Variants in USP45 observed in about 807,000 individuals in gnomAD.
USP45 encodes ubiquitin specific peptidase 45.
A neutral mutation model predicts 95.8 loss-of-function variants in USP45; 89 were observed. The observed-to-expected ratio is 0.93, with a 90% confidence interval of 0.78 to 1.11. The LOEUF is 1.11. USP45 is among the 50% of genes least tolerant of loss of function. The probability of loss-of-function intolerance (pLI) is 0.00; values close to 1 mark genes in which losing one functional copy is unlikely to be tolerated. For missense variants in USP45, 898 were observed against 942.5 expected (o/e 0.95, Z 0.62); for synonymous variants, 281 against 316.2 (o/e 0.89, Z 1.18).
intron 10 of USP45, 73 bp downstream of exon 10, chr6:99,468,459 TGTTCA>T: frequency 1.0e-6 from 1 of 967,038 alleles, no homozygotes; most frequent in South Asian, 1.5e-5. Flanking sequence ...GTTCACATAA[TGTTCA>T]GTTCTTTTTC....
At chr6:99,478,498 A>G (rs1194153191) in intron 8 of USP45, among the ~76,000 whole-genome samples, 1 of 152,132 alleles carries the variant, frequency 6.6e-6, no homozygotes, top group Non-Finnish European at 1.5e-5. Flanking sequence ...CATGAGAGAA[A>G]AATATATGTA....
chr6:99,476,577 T>G (rs751258956), intron 8 of USP45, among the ~76,000 whole-genome samples: 4 of 152,248 alleles, frequency 2.6e-5, no homozygotes, highest in Non-Finnish European at 5.9e-5. Context: ...GGCTATCATT[T>G]ATTAAGCAAC....
At chr6:99,490,431 C>T (rs184040977) in intron 5 of USP45, among the ~76,000 whole-genome samples, 139 of 152,048 alleles carry the variant, frequency 9.1e-4, no homozygotes, top group African/African-American at 3.2e-3. Flanking sequence ...CCACCCACCT[C>T]GGGCTCCCAA....
intron 13 of USP45, among the ~76,000 whole-genome samples, chr6:99,448,193 ATGACTT>A (rs1782974033): frequency 6.6e-6 from 1 of 152,250 alleles, no homozygotes; most frequent in Admixed American, 6.5e-5. Context: ...TGGACGGAGA[ATGACTT>A]TGACGAGTTG....
At chr6:99,487,755 ACTGCACTCCAGC>A (rs1185927922) in intron 7 of USP45, among the ~76,000 whole-genome samples, 1 of 151,892 alleles carries the variant, frequency 6.6e-6, no homozygotes, top group Non-Finnish European at 1.5e-5. Context: ...AGATCGCGCC[ACTGCACTCCAGC>A]CTGCACTCCA....
chr6:99,488,896 T>C (rs757324074), intron 5 of USP45, 76 bp from the exon 6 acceptor site: 3 of 1,123,274 alleles, frequency 2.7e-6, no homozygotes, highest in East Asian at 6.0e-5. Flanking sequence ...ATATACATTA[T>C]TTAAAATTAA....
intron 9 of USP45, among the ~76,000 whole-genome samples, chr6:99,470,277 G>A (rs952162419): frequency 6.6e-6 from 1 of 152,152 alleles, no homozygotes; most frequent in South Asian, 2.1e-4. Context: ...TCCATGCCCT[G>A]CTGCCTGGAT....
chr6:99,452,278 C>G (rs1031103742), intron 13 of USP45, among the ~76,000 whole-genome samples: 5 of 152,132 alleles, frequency 3.3e-5, no homozygotes, highest in Admixed American at 3.3e-4. Flanking sequence ...GCAACCTACT[C>G]ATGTGACAAA....
intron 13 of USP45, among the ~76,000 whole-genome samples, chr6:99,464,210 G>T (rs1260048528): frequency 6.6e-6 from 1 of 152,178 alleles, no homozygotes; most frequent in Non-Finnish European, 1.5e-5. Context: ...GGAGGCTGAG[G>T]CAGGAGAATC....
rs532107244 is a variant in USP45, at chr6:99,499,372, C to T, written c.478+4393G>A. ...TTACCATTTAGTGCAAAATCATATC[C>T]GGCATTCTTACAAACCTCAATAAAA... On this transcript the variant is annotated intron_variant, in intron 5 of 17. Coordinates refer to ENST00000500704, the MANE Select transcript of USP45 (RefSeq NM_001346022.3). Among the ~76,000 whole-genome samples the T allele has an allele frequency of 1.1e-4, 17 of 152,170 alleles. No homozygotes were observed. In the East Asian group the frequency reaches 2.9e-3, roughly 26 times the overall value.
At chr6:99,463,685 G>T (rs527488474) in intron 13 of USP45, among the ~76,000 whole-genome samples, 1 of 150,902 alleles carries the variant, frequency 6.6e-6, no homozygotes, top group Non-Finnish European at 1.5e-5. Flanking sequence ...GGTGACATGC[G>T]CCTGTACTCC....
In USP45 at chr6:99,446,150, T is replaced by A. The variant is rs561726621; in HGVS notation, c.1622A>T (p.Lys541Ile). The A allele has an allele frequency of 6.8e-6, 11 of 1,614,040 alleles. No homozygotes were observed. The highest frequency in any genetic ancestry group is 9.3e-6 in the Non-Finnish European group (11 of 1,180,052). The stretch of plus-strand genomic sequence containing the variant: ...GTCAGTCTCCTTGGTGTACAGCAGT[T>A]TACCTGCTGACAGAGGGTAAAGGGG... ...DGPLYPLSAG[K>I]LLYTKETDSG... The change falls in exon 14 of 18, where the codon AAA becomes ATA. Residue 541 changes from lysine to isoleucine, a missense_variant. Physicochemically the swap from Lys to Ile is moderately radical, Grantham distance 102 (BLOSUM62 -3). Coordinates refer to ENST00000500704, the MANE Select transcript of USP45 (RefSeq NM_001346022.3).
intron 15 of USP45, among the ~76,000 whole-genome samples, chr6:99,442,564 G>A (rs1260355622): frequency 6.6e-6 from 1 of 152,124 alleles, no homozygotes; most frequent in East Asian, 1.9e-4. Context: ...ATTCATTTAA[G>A]GGCCAGGTGC....
intron 2 of USP45, 78 bp downstream of exon 2, chr6:99,510,032 CCTCAGCGTTCA>C: frequency 3.1e-6 from 3 of 972,400 alleles, no homozygotes; most frequent in Non-Finnish European, 4.8e-6. Flanking sequence ...ACAAGTTGAT[CCTCAGCGTTCA>C]AACCCATGTT....
At chr6:99,455,990 G>C (rs534136669) in intron 13 of USP45, among the ~76,000 whole-genome samples, 4 of 151,442 alleles carry the variant, frequency 2.6e-5, no homozygotes, top group African/African-American at 9.7e-5. Context: ...AAAATTAACC[G>C]GGCTTGATGG....
In USP45 at chr6:99,439,861, A is replaced by G. The variant is rs1462648134; in HGVS notation, c.2074-6T>C. 6.3e-7 allele frequency: 1 copy of G among 1,591,134 alleles called. No individual in the cohort carries two copies. Among genetic ancestry groups the G allele is most frequent in the Non-Finnish European group, 8.5e-7 (1 of 1,170,722 alleles). ...TTACGAAGACTCAAGCCAGCCTTAA[A>G]AAGACCAAAACATTTTTGAAATGCA... On this transcript the variant is annotated splice_region_variant and splice_polypyrimidine_tract_variant and intron_variant, in intron 15 of 17. Coordinates refer to ENST00000500704, the MANE Select transcript of USP45 (RefSeq NM_001346022.3).
At chr6:99,447,859 C>T (rs1027140516) in intron 13 of USP45, among the ~76,000 whole-genome samples, 1 of 152,184 alleles carries the variant, frequency 6.6e-6, no homozygotes, top group African/African-American at 2.4e-5. Context: ...TCCAGAGGAA[C>T]GATCAGGTAG....
chr6:99,461,092 A>G (rs1471576475), intron 13 of USP45: 2 of 984,868 alleles, frequency 2.0e-6, no homozygotes, highest in African/African-American at 3.5e-5. Flanking sequence ...CAGAAGTATT[A>G]AGGTTTTATG....
intron 7 of USP45, among the ~76,000 whole-genome samples, chr6:99,485,977 T>A (rs1793778513): frequency 6.6e-6 from 1 of 152,124 alleles, no homozygotes. Flanking sequence ...GAAAGGAATG[T>A]CCTCAAGCTT....
Sources: allele counts gnomAD v4.1 joint callset (sites outside exome capture counted in the v4.1 genomes callset), GRCh38; gene constraint gnomAD v4.1.1; transcripts MANE v1.5; gene names NCBI Gene and HGNC (gene_info 2026-07-23, HGNC 2026-07-21).